Variants in LUC7L2 observed in about 807,000 individuals in gnomAD.
LUC7L2 encodes LUC7 like 2, pre-mRNA splicing factor.
LUC7L2 carries 25 observed loss-of-function variants against 52.8 expected under a neutral mutation model. The ratio of observed to expected loss-of-function variants is 0.47; its 90% CI spans 0.34 to 0.66. The LOEUF (loss-of-function observed/expected upper bound fraction) is 0.66. Ranked by LOEUF, LUC7L2 falls within the 30% of genes least tolerant of loss-of-function variation. The pLI is 0.01. For missense variants in LUC7L2, 328 were observed against 497.8 expected, an observed-to-expected ratio of 0.66 and a Z score of 3.25; for synonymous variants, 144 against 160.9, an observed-to-expected ratio of 0.89 and a Z score of 0.80.
chr7:139,372,442 A>G (rs897483966), intron 1 of LUC7L2, among the ~76,000 whole-genome samples: 4 of 151,882 alleles, frequency 2.6e-5, no homozygotes, highest in Admixed American at 6.6e-5. Context: ...CTATTACTCC[A>G]GGTTGTAGTG....
chr7:139,394,861 C>T (rs1440199485), intron 2 of LUC7L2, among the ~76,000 whole-genome samples: 3 of 152,308 alleles, frequency 2.0e-5, no homozygotes, highest in African/African-American at 7.2e-5. Context: ...CTGAGCAAGT[C>T]ATTCTTTCTG....
At chr7:139,361,068 A>G (rs1799857700) in intron 1 of LUC7L2, among the ~76,000 whole-genome samples, 1 of 152,250 alleles carries the variant, frequency 6.6e-6, no homozygotes. Flanking sequence ...GAGAACAAAG[A>G]TCCTTTCAGG....
upstream of LUC7L2, among the ~76,000 whole-genome samples, chr7:139,355,067 C>CCCAGGCTGGTCTCAAACT (rs1283917531): frequency 6.6e-6 from 1 of 151,418 alleles, no homozygotes; most frequent in Non-Finnish European, 1.5e-5. Flanking sequence ...CTCCATGTTG[C>CCCAGGCTGGTCTCAAACT]CCAGGCTGGT....
At chr7:139,351,909 T>TA (rs1799468736) in intron 1 of LUC7L2, among the ~76,000 whole-genome samples, 1 of 152,196 alleles carries the variant, frequency 6.6e-6, no homozygotes, top group East Asian at 1.9e-4. Context: ...TTTTCACTCT[T>TA]AAACATGTGG....
At chr7:139,365,768 G>C (rs1321001065) in intron 1 of LUC7L2, among the ~76,000 whole-genome samples, 1 of 152,194 alleles carries the variant, frequency 6.6e-6, no homozygotes, top group Non-Finnish European at 1.5e-5. Flanking sequence ...GAAACAAGCA[G>C]TTTGGCATAA....
chr7:139,389,001 A>G (rs1794316959), intron 2 of LUC7L2, among the ~76,000 whole-genome samples: 1 of 151,948 alleles, frequency 6.6e-6, no homozygotes, highest in African/African-American at 2.4e-5. Flanking sequence ...TATTTGTAAG[A>G]AGGTGTGATG....
intron 1 of LUC7L2, chr7:139,375,746 A>G (rs1481458923): frequency 2.5e-6 from 1 of 392,344 alleles, no homozygotes; most frequent in Non-Finnish European, 3.6e-6. Context: ...CTCATCTGCA[A>G]TATGAAGGAG....
chr7:139,422,889 T>C lies in LUC7L2; in HGVS notation c.*549T>C. On this transcript the variant is annotated 3_prime_UTR_variant, in exon 10 of 10. Coordinates refer to ENST00000354926, the MANE Select transcript of LUC7L2 (RefSeq NM_016019.5). Reference sequence around the variant, plus strand: ...TGTGTGCTGGAGAAATTTAAAATACTGGGGTTTTTTGTTTAATGGTGCCTA... The same window carrying C: ...TGTGTGCTGGAGAAATTTAAAATACCGGGGTTTTTTGTTTAATGGTGCCTA... 1 of 399,020 alleles carries C rather than the reference T, an allele frequency of 2.5e-6. No individual in the cohort carries two copies. Among genetic ancestry groups the C allele is most frequent in the Non-Finnish European group, 4.4e-6 (1 of 226,062 alleles). 24.7% of individuals were successfully genotyped at this position (399,020 alleles called of 1,614,324 possible).
At chr7:139,410,331 G>A (rs1795308241) in intron 7 of LUC7L2, among the ~76,000 whole-genome samples, 1 of 151,940 alleles carries the variant, frequency 6.6e-6, no homozygotes, top group Non-Finnish European at 1.5e-5. Context: ...GTTAACAAAA[G>A]GTTTAAGGGT....
rs1410989655 is a variant in LUC7L2 at position 139,405,820 on chromosome 7, T to C, written c.510+33T>C. 3 of 1,562,822 alleles carry C rather than the reference T, an allele frequency of 1.9e-6. No homozygotes were observed. In the African/African-American group the frequency reaches 4.2e-5, roughly 22 times the overall value. The stretch of plus-strand genomic sequence containing the variant: ...CTTAATAGTAGTAGACGAATTCTGC[T>C]TAATTTGGTAAGACTACAAATAAAA... On this transcript the variant is annotated intron_variant, in intron 5 of 9. Transcript: ENST00000354926.
chr7:139,363,976 CTTTTTTTTTTTTTT>C (rs1169793101), intron 1 of LUC7L2, among the ~76,000 whole-genome samples: 1 of 96,080 alleles, frequency 1.0e-5, no homozygotes, highest in African/African-American at 5.8e-5. Flanking sequence ...AGATTACATC[CTTTTTTTTTTTTTT>C]TTTTTTTTTT....
chr7:139,380,952 T>A (rs912819616), intron 2 of LUC7L2, among the ~76,000 whole-genome samples: 1 of 152,222 alleles, frequency 6.6e-6, no homozygotes, highest in Non-Finnish European at 1.5e-5. Flanking sequence ...AACTTGAAAT[T>A]AAGATCTTAG....
At position 139,422,142 on chromosome 7, in the gene LUC7L2, C is replaced by T. The variant is rs778785461; in HGVS notation, c.1002-21C>T. ...TTTGGGTTTCCCAACATATTTTGCT[C>T]CTCAAATTAATATTTTTCAGATCCT... On this transcript the variant is annotated intron_variant, in intron 9 of 9. Coordinates refer to ENST00000354926, the MANE Select transcript of LUC7L2 (RefSeq NM_016019.5). 5 of 1,581,680 alleles carry T rather than the reference C, an allele frequency of 3.2e-6. No homozygotes were observed. In the Admixed American group the frequency reaches 9.7e-5, roughly 31 times the overall value.
chr7:139,376,501 T>C (rs1486661290), intron 2 of LUC7L2, among the ~76,000 whole-genome samples: 1 of 152,244 alleles, frequency 6.6e-6, no homozygotes, highest in Admixed American at 6.5e-5. Context: ...TAGACTTTTA[T>C]CTAGTACGGT....
At chr7:139,395,730 T>C (rs1453900735) in intron 2 of LUC7L2, among the ~76,000 whole-genome samples, 6 of 152,216 alleles carry the variant, frequency 3.9e-5, no homozygotes, top group Admixed American at 6.5e-5. Context: ...AGCTTTGACC[T>C]CCAGAGCTCA....
chr7:139,362,807 C>T (rs1170010869), intron 1 of LUC7L2, among the ~76,000 whole-genome samples: 6 of 151,858 alleles, frequency 4.0e-5, no homozygotes, highest in South Asian at 4.2e-4. Flanking sequence ...GTTTCTTCCC[C>T]CTCCCCTTCC....
At chr7:139,364,970 G>T (rs571229113) in intron 1 of LUC7L2, among the ~76,000 whole-genome samples, 1 of 152,220 alleles carries the variant, frequency 6.6e-6, no homozygotes, top group South Asian at 2.1e-4. Context: ...TAATGTATAC[G>T]CAGACATTTT....
At chr7:139,383,534 C>T (rs1043355769) in intron 2 of LUC7L2, among the ~76,000 whole-genome samples, 8 of 151,940 alleles carry the variant, frequency 5.3e-5, no homozygotes, top group Non-Finnish European at 1.2e-4. Flanking sequence ...GCCTCAGCCT[C>T]CCGAGTAGCT....
At chr7:139,341,244 A>G (rs989629549) in intron 1 of LUC7L2, 18 of 1,405,676 alleles carry the variant, frequency 1.3e-5, no homozygotes, top group Non-Finnish European at 1.6e-5. Context: ...GTCAACGGAC[A>G]AGTGAGCGGT....
Sources: allele counts gnomAD v4.1 joint callset (sites outside exome capture counted in the v4.1 genomes callset), GRCh38; gene constraint gnomAD v4.1.1; transcripts MANE v1.5; gene names NCBI Gene and HGNC (gene_info 2026-07-23, HGNC 2026-07-21).